The following FGF12 variants were observed in gnomAD, a reference collection of about 807,000 sequenced individuals.
FGF12 encodes fibroblast growth factor 12, also known as fibroblast growth factor 12B.
In FGF12, 14 loss-of-function variants were observed where a neutral mutation model predicts 23.6. The observed-to-expected ratio is 0.59, with a 90% CI of 0.39 to 0.93. FGF12 has a LOEUF of 0.93. Among genes scored for constraint, FGF12 ranks in the 40% least tolerant of loss-of-function variants. The pLI, the probability that FGF12 is intolerant of heterozygous loss-of-function variation, is 0.00. For synonymous variants in FGF12, 62 were observed against 77.3 expected, an observed-to-expected ratio of 0.80 and a Z score of 1.04; for missense variants, 175 against 217.8, an observed-to-expected ratio of 0.80 and a Z score of 1.24.
intron 2 of FGF12, among the ~76,000 whole-genome samples, chr3:192,422,272 C>A (rs2108784898): frequency 6.6e-6 from 1 of 152,172 alleles, no homozygotes; most frequent in Middle Eastern, 3.4e-3. Flanking sequence ...AATTATTCCT[C>A]TTTTTTGGTC....
At chr3:192,342,946 G>A (rs1360433215) in intron 3 of FGF12, among the ~76,000 whole-genome samples, 1 of 151,902 alleles carries the variant, frequency 6.6e-6, no homozygotes, top group Non-Finnish European at 1.5e-5. Flanking sequence ...GGAAAACAAT[G>A]TGACAACCAA....
chr3:192,312,504 A>G (rs1277397120), intron 4 of FGF12, among the ~76,000 whole-genome samples: 1 of 151,990 alleles, frequency 6.6e-6, no homozygotes, highest in Admixed American at 6.6e-5. Flanking sequence ...GTTTGTGGAA[A>G]ACCCATAAGC....
intron 2 of FGF12, among the ~76,000 whole-genome samples, chr3:192,642,631 A>C (rs527620125): frequency 1.3e-5 from 2 of 152,358 alleles, no homozygotes; most frequent in African/African-American, 4.8e-5. Flanking sequence ...AAAGTTGCCA[A>C]ACTAAGATGA....
intron 2 of FGF12, among the ~76,000 whole-genome samples, chr3:192,683,594 T>TC (rs1200679600): frequency 6.6e-6 from 1 of 152,100 alleles, no homozygotes. Context: ...CAGAAACATT[T>TC]CCCCGCTCTA....
intron 4 of FGF12, among the ~76,000 whole-genome samples, chr3:192,233,482 C>G (rs1328959308): frequency 6.6e-6 from 1 of 152,038 alleles, no homozygotes; most frequent in Non-Finnish European, 1.5e-5. Context: ...TTGCAATTTT[C>G]TCCCATTCTG....
At chr3:192,639,255 C>T (rs1715701698) in intron 2 of FGF12, among the ~76,000 whole-genome samples, 1 of 152,088 alleles carries the variant, frequency 6.6e-6, no homozygotes, top group Non-Finnish European at 1.5e-5. Context: ...AATGAGATAT[C>T]ACCTCACACC....
chr3:192,398,071 A>T (rs1158123862), intron 2 of FGF12, among the ~76,000 whole-genome samples: 1 of 152,208 alleles, frequency 6.6e-6, no homozygotes. Flanking sequence ...CTTTAAAAAA[A>T]AATCTAAAAC....
intron 2 of FGF12, among the ~76,000 whole-genome samples, chr3:192,399,624 A>T (rs915655028): frequency 2.6e-5 from 4 of 152,212 alleles, no homozygotes; most frequent in African/African-American, 9.6e-5. Flanking sequence ...AAATAAAGGA[A>T]TTGGAACAGG....
intron 2 of FGF12, among the ~76,000 whole-genome samples, chr3:192,671,016 A>G (rs549068299): frequency 6.6e-6 from 1 of 152,308 alleles, no homozygotes; most frequent in Admixed American, 6.5e-5. Context: ...AATCACCTAG[A>G]TCTATCTTAT....
chr3:192,610,705 C>T (rs1347617252), intron 2 of FGF12, among the ~76,000 whole-genome samples: 14 of 152,044 alleles, frequency 9.2e-5, no homozygotes, highest in Admixed American at 9.2e-4. Flanking sequence ...ATATTAGAAC[C>T]TGCAAGGCCC....
chr3:192,439,969 C>T (rs1722154693), intron 2 of FGF12, among the ~76,000 whole-genome samples: 1 of 138,958 alleles, frequency 7.2e-6, no homozygotes. Context: ...GAGCAAGACT[C>T]CATATGGAAA....
chr3:192,278,585 A>G (rs1455085233), intron 4 of FGF12, among the ~76,000 whole-genome samples: 1 of 152,240 alleles, frequency 6.6e-6, no homozygotes, highest in African/African-American at 2.4e-5. Context: ...CCACATGGCA[A>G]AAAAGAACCA....
At chr3:192,406,122 T>C (rs955097869) in intron 2 of FGF12, among the ~76,000 whole-genome samples, 3 of 152,002 alleles carry the variant, frequency 2.0e-5, no homozygotes, top group Non-Finnish European at 4.4e-5. Flanking sequence ...AGAAACTGCC[T>C]CAAATCTCTG....
intron 2 of FGF12, among the ~76,000 whole-genome samples, chr3:192,686,815 ATTTTTTTTTTTTTTTT>A (rs57045697): frequency 4.9e-5 from 3 of 61,434 alleles, no homozygotes; most frequent in Admixed American, 2.2e-4. Context: ...TTTTTCTCTA[ATTTTTTTTTTTTTTTT>A]TTTTTTTTTT....
intron 4 of FGF12, among the ~76,000 whole-genome samples, chr3:192,258,986 C>T (rs6793300): frequency 0.42 from 63,568 of 151,996 alleles, 14,182 homozygotes; most frequent in East Asian, 0.94. Flanking sequence ...CTATTACTTA[C>T]GTAACTGCAG....
chr3:192,518,988 T>A (rs1724749349), intron 2 of FGF12, among the ~76,000 whole-genome samples: 1 of 152,152 alleles, frequency 6.6e-6, no homozygotes, highest in Non-Finnish European at 1.5e-5. Flanking sequence ...AGTTTCCACT[T>A]ATGCAAATGT....
At chr3:192,171,579 T>C (rs910342770) in intron 4 of FGF12, among the ~76,000 whole-genome samples, 1 of 151,594 alleles carries the variant, frequency 6.6e-6, no homozygotes, top group Non-Finnish European at 1.5e-5. Flanking sequence ...ACAAAATGTA[T>C]TGTGTGGAAG....
At chr3:192,415,308 T>G (rs1721312685) in intron 2 of FGF12, among the ~76,000 whole-genome samples, 1 of 152,100 alleles carries the variant, frequency 6.6e-6, no homozygotes, top group South Asian at 2.1e-4. Flanking sequence ...GGCTAGAAGA[T>G]CCCTATTTGA....
intron 2 of FGF12, among the ~76,000 whole-genome samples, chr3:192,370,419 C>T (rs1425368086): frequency 6.6e-6 from 1 of 152,060 alleles, no homozygotes; most frequent in Non-Finnish European, 1.5e-5. Flanking sequence ...GGTGCACACC[C>T]GCAGTCCTAG....
Sources: allele counts gnomAD v4.1 joint callset (sites outside exome capture counted in the v4.1 genomes callset), GRCh38; gene constraint gnomAD v4.1.1; transcripts MANE v1.5; gene names NCBI Gene and HGNC (gene_info 2026-07-23, HGNC 2026-07-21).